MARCHF1: variants seen among roughly 807,000 people sequenced by gnomAD.
MARCHF1 encodes the protein E3 ubiquitin-protein ligase MARCHF1.
Under a neutral mutation model 54.2 loss-of-function variants are expected in MARCHF1, and 40 were observed. That is an observed-to-expected ratio of 0.74 (90% CI 0.57 to 0.96). The LOEUF is 0.96. Among genes scored for constraint, MARCHF1 ranks in the 40% least tolerant of loss-of-function variants. MARCHF1 has a pLI of 0.00. For missense variants in MARCHF1, 586 were observed against 656.5 expected (o/e 0.89, Z 1.17); for synonymous variants, 236 against 236.3 (o/e 1.00, Z 0.01).
intron 1 of MARCHF1, among the ~76,000 whole-genome samples, chr4:164,162,745 T>C (rs1331473057): frequency 6.6e-6 from 1 of 152,046 alleles, no homozygotes; most frequent in Non-Finnish European, 1.5e-5. Flanking sequence ...TTTTTCAAAA[T>C]AGATGAAAGA....
intron 1 of MARCHF1, among the ~76,000 whole-genome samples, chr4:164,299,834 T>C (rs1734504974): frequency 6.6e-6 from 1 of 152,166 alleles, no homozygotes; most frequent in Non-Finnish European, 1.5e-5. Flanking sequence ...TGTTACTTAG[T>C]TTTCTAAAAC....
At chr4:164,260,863 C>T (rs1733441250) in intron 1 of MARCHF1, among the ~76,000 whole-genome samples, 1 of 152,192 alleles carries the variant, frequency 6.6e-6, no homozygotes, top group Non-Finnish European at 1.5e-5. Flanking sequence ...TTTCAAAAGA[C>T]TAGAGCTATA....
intron 1 of MARCHF1, among the ~76,000 whole-genome samples, chr4:164,341,223 C>G (rs1729918372): frequency 6.6e-6 from 1 of 151,548 alleles, no homozygotes; most frequent in Admixed American, 6.6e-5. Flanking sequence ...AGTAACATAC[C>G]TCAGCACAAG....
intron 1 of MARCHF1, among the ~76,000 whole-genome samples, chr4:164,116,942 T>C (rs1372744430): frequency 1.3e-5 from 2 of 152,112 alleles, no homozygotes; most frequent in African/African-American, 2.4e-5. Context: ...CACATAAATA[T>C]GCCAAATCAA....
chr4:164,309,198 G>GA (rs1014423517), intron 1 of MARCHF1, among the ~76,000 whole-genome samples: 37 of 144,508 alleles, frequency 2.6e-4, no homozygotes, highest in African/African-American at 5.4e-4. Context: ...TGGCCAAAAA[G>GA]AAAAAAAAAG....
chr4:164,135,380 AC>A (rs1193974916), intron 1 of MARCHF1: 1 of 152,192 alleles, frequency 6.6e-6, no homozygotes, highest in Non-Finnish European at 1.5e-5. Context: ...AATACCCAAG[AC>A]TGGGTAATTT....
rs142245965 is a variant in MARCHF1, at chr4:163,989,085, A to G, written c.-247-376T>C. Among the ~76,000 whole-genome samples the G allele has an allele frequency of 2.3e-4, 35 of 152,288 alleles. No individual in the cohort carries two copies. In the East Asian group the frequency reaches 6.2e-3, roughly 27 times the overall value. ...GTTTATCCTGATTCCCCAGGAGTCCACTAAGCACCCAGAGACACTGCATCT... is the reference window on the plus strand; with the variant it reads ...GTTTATCCTGATTCCCCAGGAGTCCGCTAAGCACCCAGAGACACTGCATCT... On this transcript the variant is annotated intron_variant, in intron 2 of 9. Coordinates refer to ENST00000514618, the MANE Select transcript of MARCHF1 (RefSeq NM_001394959.1).
At chr4:164,275,236 A>T (rs1733848834) in intron 1 of MARCHF1, among the ~76,000 whole-genome samples, 1 of 152,168 alleles carries the variant, frequency 6.6e-6, no homozygotes, top group African/African-American at 2.4e-5. Context: ...CTTGTCAAAA[A>T]TATAAAATTA....
rs1425580399 is a variant in MARCHF1, at chr4:163,528,398, T to C, written c.*350A>G. The C allele has an allele frequency of 4.6e-6, 1 of 218,044 alleles. No homozygotes were observed. Among genetic ancestry groups the C allele is most frequent in the African/African-American group, 2.3e-5 (1 of 43,376 alleles). 13.5% of individuals were successfully genotyped at this position (218,044 alleles called of 1,614,324 possible). A position where few individuals can be genotyped will look rare whatever the true frequency, so the allele number is the denominator to read the frequency against. On this transcript the variant is annotated 3_prime_UTR_variant, in exon 10 of 10. Transcript: ENST00000514618. Reference sequence around the variant, plus strand: ...CACATCGCAATTCAAGTCTGTATTCTTGAACTTTTCCCCTGTTACTGTGAA... The same window carrying C: ...CACATCGCAATTCAAGTCTGTATTCCTGAACTTTTCCCCTGTTACTGTGAA...
At chr4:164,370,341 T>C (rs1316548856) in intron 1 of MARCHF1, among the ~76,000 whole-genome samples, 1 of 152,208 alleles carries the variant, frequency 6.6e-6, no homozygotes, top group Non-Finnish European at 1.5e-5. Flanking sequence ...AACAGTATTA[T>C]AGAAATCCAA....
chr4:163,788,817 A>C (rs1334591011), intron 4 of MARCHF1, among the ~76,000 whole-genome samples: 1 of 152,044 alleles, frequency 6.6e-6, no homozygotes, highest in East Asian at 1.9e-4. Context: ...TTGAGCCTAC[A>C]ATCCAAGAGT....
At chr4:164,258,391 T>TATAATAATAATAATAATAATAATAATA (rs201820317) in intron 1 of MARCHF1, among the ~76,000 whole-genome samples, 5 of 145,940 alleles carry the variant, frequency 3.4e-5, no homozygotes, top group Admixed American at 2.8e-4. Flanking sequence ...GAACTTAAAG[T>TATAATAATAATAATAATAATAATAATA]ATAATAATAA....
At chr4:164,342,280 C>T (rs574857766) in intron 1 of MARCHF1, among the ~76,000 whole-genome samples, 16 of 152,118 alleles carry the variant, frequency 1.1e-4, no homozygotes, top group South Asian at 8.3e-4. Flanking sequence ...CCTGTTAAGA[C>T]GGCTTTCATT....
At chr4:164,262,794 G>A (rs1371105245) in intron 1 of MARCHF1, among the ~76,000 whole-genome samples, 1 of 152,054 alleles carries the variant, frequency 6.6e-6, no homozygotes, top group East Asian at 1.9e-4. Flanking sequence ...GACACCAAAG[G>A]GTTTGTCACA....
At chr4:164,052,499 T>C (rs1291770696) in intron 2 of MARCHF1, among the ~76,000 whole-genome samples, 1 of 152,038 alleles carries the variant, frequency 6.6e-6, no homozygotes, top group Non-Finnish European at 1.5e-5. Flanking sequence ...GCCACTGCAC[T>C]GCAGCCTGGG....
chr4:163,790,247 T>C (rs1747738334), intron 4 of MARCHF1, among the ~76,000 whole-genome samples: 1 of 152,130 alleles, frequency 6.6e-6, no homozygotes, highest in South Asian at 2.1e-4. Context: ...CCTCCTGCTG[T>C]AATCTTTCCC....
chr4:163,616,888 C>T (rs1479528151), intron 5 of MARCHF1, among the ~76,000 whole-genome samples: 1 of 152,020 alleles, frequency 6.6e-6, no homozygotes, highest in Non-Finnish European at 1.5e-5. Context: ...ACCATATGAT[C>T]CAGCAATCCC....
chr4:164,235,547 G>C (rs910750313), intron 1 of MARCHF1, among the ~76,000 whole-genome samples: 2 of 152,044 alleles, frequency 1.3e-5, no homozygotes, highest in African/African-American at 4.8e-5. Context: ...GGAACTATTA[G>C]TGAAGAGGCC....
intron 3 of MARCHF1, among the ~76,000 whole-genome samples, chr4:163,917,678 C>T (rs1579390716): frequency 1.3e-5 from 2 of 151,968 alleles, no homozygotes; most frequent in African/African-American, 4.8e-5. Flanking sequence ...TGTTACATAG[C>T]TAAATATGTG....
Sources: gnomAD v4.1 joint callset for allele counts (sites outside exome capture counted in the v4.1 genomes callset) on GRCh38, gnomAD v4.1.1 for gene constraint, MANE v1.5 for transcripts, NCBI Gene and HGNC (gene_info 2026-07-23, HGNC 2026-07-21) for gene names.